CNBD1: variants seen among roughly 807,000 people sequenced by gnomAD.
CNBD1 encodes the protein cyclic nucleotide-binding domain-containing protein 1.
Under a neutral mutation model 54.4 loss-of-function variants are expected in CNBD1, and 71 were observed. The ratio of observed to expected loss-of-function variants is 1.30; its 90% CI spans 1.08 to 1.59. CNBD1 has a LOEUF of 1.59. CNBD1 is among the 40% of genes most tolerant of loss of function. The pLI is 0.00. For synonymous variants in CNBD1, 182 were observed against 170.7 expected (o/e 1.07, Z -0.51); for missense variants, 659 against 518.0 (o/e 1.27, Z -2.64).
rs917669330 is a variant in CNBD1 at position 87,216,012 on chromosome 8, G to A, written c.577+9874G>A. Among the ~76,000 whole-genome samples, 3 of 152,150 alleles carry A rather than the reference G, an allele frequency of 2.0e-5. 1 individual carries two copies. Among genetic ancestry groups the A allele is most frequent in the East Asian group, 3.9e-4 (2 of 5,168 alleles). On this transcript the variant is annotated intron_variant, in intron 5 of 10. Coordinates refer to ENST00000518476, the MANE Select transcript of CNBD1 (RefSeq NM_173538.3). ...GTGACCTTTTGTGTTGAGTTCTTTC[G>A]CTTAACATAGTGTTTTCGTGGTTTA...
intron 2 of CNBD1, among the ~76,000 whole-genome samples, chr8:87,422,569 A>G (rs1025423869): frequency 2.6e-5 from 4 of 152,078 alleles, no homozygotes; most frequent in African/African-American, 9.7e-5. Flanking sequence ...GGTTTGTCAA[A>G]GATCAGATAG....
chr8:87,240,065 A>AAC (rs10608912), intron 6 of CNBD1, among the ~76,000 whole-genome samples: 15,657 of 146,384 alleles, frequency 0.11, 879 homozygotes, highest in African/African-American at 0.16. Flanking sequence ...TCTGTGCCAA[A>AAC]ACACACACAC....
At chr8:87,299,218 C>G (rs1014984122) in intron 8 of CNBD1, among the ~76,000 whole-genome samples, 2 of 151,992 alleles carry the variant, frequency 1.3e-5, no homozygotes. Context: ...CCACTTTTTC[C>G]AATTATTTGC....
intron 1 of CNBD1, among the ~76,000 whole-genome samples, chr8:86,875,335 C>G (rs1808505085): frequency 6.6e-6 from 1 of 152,042 alleles, no homozygotes; most frequent in African/African-American, 2.4e-5. Context: ...ACACCCTGGT[C>G]TTGGATGCTG....
Position 86,896,217 on chromosome 8 carries a change from T to G in CNBD1, c.158+8606T>G, listed in dbSNP as rs934027793. On this transcript the variant is annotated intron_variant, in intron 2 of 10. Coordinates refer to ENST00000518476, the MANE Select transcript of CNBD1 (RefSeq NM_173538.3). ...GCATTCTATTTCTAATTTTAATTAT[T>G]TTTTAAAAATTATTTTTATGTATTG... Among the ~76,000 whole-genome samples the G allele has an allele frequency of 1.1e-4, 16 of 152,238 alleles. No individual in the cohort carries two copies. The East Asian group carries it at 3.1e-3, about 29-fold the overall frequency.
At chr8:87,226,416 G>A (rs1416198083) in intron 5 of CNBD1, among the ~76,000 whole-genome samples, 15 of 149,780 alleles carry the variant, frequency 1.0e-4, no homozygotes, top group South Asian at 4.2e-4. Context: ...CTTTGAATGC[G>A]TCCCAGAGAT....
chr8:87,073,417 G>A (rs995431960), intron 4 of CNBD1, among the ~76,000 whole-genome samples: 4 of 152,112 alleles, frequency 2.6e-5, no homozygotes, highest in South Asian at 2.1e-4. Flanking sequence ...ACATTGATTC[G>A]TTCTTATCTT....
At chr8:87,337,677 GCA>G (rs1463674659) in intron 8 of CNBD1, among the ~76,000 whole-genome samples, 1 of 152,218 alleles carries the variant, frequency 6.6e-6, no homozygotes, top group Admixed American at 6.5e-5. Flanking sequence ...AGGCTGGGCA[GCA>G]CACTCACTCA....
At chr8:86,887,364 C>T (rs1461909360) in intron 1 of CNBD1, among the ~76,000 whole-genome samples, 178 bp from the exon 2 acceptor site, 1 of 152,136 alleles carries the variant, frequency 6.6e-6, no homozygotes, top group Non-Finnish European at 1.5e-5. Context: ...AAATTCTTTC[C>T]TCACCTTAAT....
intron 2 of CNBD1, among the ~76,000 whole-genome samples, chr8:87,411,354 G>A (rs1277068789): frequency 1.5e-5 from 2 of 134,224 alleles, no homozygotes; most frequent in Non-Finnish European, 3.1e-5. Context: ...GCTTTCTATA[G>A]CTTTGCCCAA....
chr8:87,366,983 T>C (rs1354461465), intron 10 of CNBD1, among the ~76,000 whole-genome samples: 1 of 152,062 alleles, frequency 6.6e-6, no homozygotes, highest in African/African-American at 2.4e-5. Flanking sequence ...TGTAATTCCT[T>C]AATAAGGTAG....
chr8:86,907,716 A>G (rs559622915), intron 3 of CNBD1, among the ~76,000 whole-genome samples: 4 of 152,140 alleles, frequency 2.6e-5, no homozygotes, highest in African/African-American at 9.6e-5. Context: ...AAACTGAATT[A>G]AATAGAATTT....
At chr8:87,266,171 A>T (rs1808253002) in intron 6 of CNBD1, among the ~76,000 whole-genome samples, 1 of 151,914 alleles carries the variant, frequency 6.6e-6, no homozygotes, top group Non-Finnish European at 1.5e-5. Context: ...TATACATTTC[A>T]TGCAATTCCA....
intron 6 of CNBD1, among the ~76,000 whole-genome samples, chr8:87,274,374 T>C (rs907088545): frequency 6.8e-6 from 1 of 147,670 alleles, no homozygotes; most frequent in Non-Finnish European, 1.5e-5. Context: ...TGAACTAGTT[T>C]ACAGTCCCAC....
intron 4 of CNBD1, among the ~76,000 whole-genome samples, chr8:87,179,637 T>C (rs1813269179): frequency 6.6e-6 from 1 of 152,202 alleles, no homozygotes; most frequent in Non-Finnish European, 1.5e-5. Flanking sequence ...CAGAGTTGGC[T>C]ACAAGTTGGA....
At chr8:87,304,345 A>T (rs1809091104) in intron 8 of CNBD1, among the ~76,000 whole-genome samples, 1 of 152,170 alleles carries the variant, frequency 6.6e-6, no homozygotes, top group South Asian at 2.1e-4. Flanking sequence ...AGAGACATGG[A>T]TGAAGCTGGA....
At chr8:87,356,509 A>G (rs1403140598) in intron 10 of CNBD1, among the ~76,000 whole-genome samples, 1 of 152,192 alleles carries the variant, frequency 6.6e-6, no homozygotes, top group Non-Finnish European at 1.5e-5. Context: ...GGAAAGTTAA[A>G]CTTAAGAGTG....
At chr8:87,093,966 C>T (rs1371716881) in intron 4 of CNBD1, among the ~76,000 whole-genome samples, 1 of 152,106 alleles carries the variant, frequency 6.6e-6, no homozygotes, top group East Asian at 1.9e-4. Context: ...AATAGGCATG[C>T]AGTAACTATT....
At chr8:87,278,079 A>C (rs1808520900) in intron 6 of CNBD1, among the ~76,000 whole-genome samples, 1 of 151,590 alleles carries the variant, frequency 6.6e-6, no homozygotes, top group African/African-American at 2.4e-5. Context: ...AGCAGATTAG[A>C]CACTGAAGAA....
Sources: gnomAD v4.1 joint callset for allele counts (sites outside exome capture counted in the v4.1 genomes callset) on GRCh38, gnomAD v4.1.1 for gene constraint, MANE v1.5 for transcripts, NCBI Gene and HGNC (gene_info 2026-07-23, HGNC 2026-07-21) for gene names.